The following LY96 variants were observed in gnomAD, a reference collection of about 807,000 sequenced individuals.
LY96 encodes the protein myeloid differentiation protein-2.
Under a neutral mutation model 18.9 loss-of-function variants are expected in LY96, and 18 were observed. The ratio of observed to expected loss-of-function variants is 0.95; its 90% CI spans 0.66 to 1.41. The LOEUF (loss-of-function observed/expected upper bound fraction) is 1.41, where lower values mean the gene tolerates loss of function less well. LY96 is among the 40% of genes most tolerant of loss of function. The probability of loss-of-function intolerance (pLI) is 0.00; values close to 1 mark genes in which losing one functional copy is unlikely to be tolerated. For synonymous variants in LY96, 66 were observed against 62.6 expected, an observed-to-expected ratio of 1.06 and a Z score of -0.26; for missense variants, 175 against 182.4, an observed-to-expected ratio of 0.96 and a Z score of 0.23.
At chr8:74,094,248 T>G in the LY96 span, among the ~76,000 whole-genome samples, 1 of 150,236 alleles carries the variant, frequency 6.7e-6, no homozygotes, top group South Asian at 2.2e-4. Context: ...AGGTAGTGGG[T>G]GTGTGTATGT....
intron 3 of LY96, among the ~76,000 whole-genome samples, chr8:74,014,836 CACACACACACAT>C (rs1295715865): frequency 6.6e-6 from 1 of 151,722 alleles, no homozygotes; most frequent in Non-Finnish European, 1.5e-5. Context: ...CACACACACA[CACACACACACAT>C]ATATCTGTTT....
At chr8:74,045,055 G>A in the LY96 span, among the ~76,000 whole-genome samples, 2 of 152,244 alleles carry the variant, frequency 1.3e-5, no homozygotes, top group Non-Finnish European at 2.9e-5. Context: ...CAGGTGGGCA[G>A]AGCACTGTCT....
chr8:74,041,803 C>G, the LY96 span, among the ~76,000 whole-genome samples: 1 of 152,228 alleles, frequency 6.6e-6, no homozygotes, highest in African/African-American at 2.4e-5. Flanking sequence ...AATACATACA[C>G]AGCTGAACAT....
the LY96 span, among the ~76,000 whole-genome samples, chr8:74,042,336 C>T: frequency 2.8e-4 from 42 of 152,266 alleles, no homozygotes; most frequent in Admixed American, 6.5e-4. Flanking sequence ...GCCTGGCCAA[C>T]ATGGTGAAAC....
At chr8:74,094,249 G>A in the LY96 span, among the ~76,000 whole-genome samples, 3 of 150,460 alleles carry the variant, frequency 2.0e-5, no homozygotes, top group Non-Finnish European at 4.4e-5. Context: ...GGTAGTGGGT[G>A]TGTGTATGTG....
chr8:74,041,179 A>G, the LY96 span, among the ~76,000 whole-genome samples: 44 of 152,160 alleles, frequency 2.9e-4, 1 homozygote, highest in Admixed American at 2.9e-3. Flanking sequence ...ATCTCTGAAC[A>G]TAAATTGTGA....
the LY96 span, among the ~76,000 whole-genome samples, chr8:74,069,512 A>T: frequency 0.081 from 12,298 of 152,262 alleles, 849 homozygotes; most frequent in African/African-American, 0.19. Flanking sequence ...CATCATTTGC[A>T]TGTTCAGTTC....
At chr8:74,088,184 C>T in the LY96 span, among the ~76,000 whole-genome samples, 4 of 144,594 alleles carry the variant, frequency 2.8e-5, no homozygotes, top group African/African-American at 7.8e-5. Flanking sequence ...TGCTTAACCA[C>T]ATCTTACTAT....
the LY96 span, among the ~76,000 whole-genome samples, chr8:74,039,330 G>C: frequency 6.6e-6 from 1 of 152,210 alleles, no homozygotes; most frequent in Non-Finnish European, 1.5e-5. Context: ...TCATTTTGTT[G>C]ATTGTTTCCT....
At chr8:74,033,706 A>T (rs990144926), downstream of LY96, among the ~76,000 whole-genome samples, 3 of 152,244 alleles carry the variant, frequency 2.0e-5, no homozygotes, top group African/African-American at 7.2e-5. Flanking sequence ...AGAGGAGTCA[A>T]GCAAATCTTT....
chr8:74,000,934 A>G (rs1220127028), intron 1 of LY96, among the ~76,000 whole-genome samples: 1 of 152,184 alleles, frequency 6.6e-6, no homozygotes, highest in Non-Finnish European at 1.5e-5. Flanking sequence ...ATCCACACCC[A>G]CAATAACTAA....
chr8:74,043,329 C>T, the LY96 span, among the ~76,000 whole-genome samples: 1 of 152,160 alleles, frequency 6.6e-6, no homozygotes, highest in Admixed American at 6.6e-5. Context: ...TTCTGAAGTC[C>T]TGTGTGTCAC....
At chr8:74,027,439 G>A (rs138887132) in intron 4 of LY96, among the ~76,000 whole-genome samples, 3,111 of 151,720 alleles carry the variant, frequency 0.021, 119 homozygotes, top group Admixed American at 0.078. Flanking sequence ...CGAGTAGCTG[G>A]GATTACAGGC....
the LY96 span, among the ~76,000 whole-genome samples, chr8:74,063,384 G>A: frequency 6.6e-6 from 1 of 152,122 alleles, no homozygotes; most frequent in Admixed American, 6.5e-5. Context: ...TTTTTGAAGG[G>A]AATATAGACA....
At chr8:74,026,721 T>A in intron 3 of LY96, 68 bp from the exon 4 acceptor site, 1 of 857,032 alleles carries the variant, frequency 1.2e-6, no homozygotes, top group South Asian at 1.4e-5. Context: ...GTATACTCCA[T>A]GCTACCAAGA....
intron 3 of LY96, among the ~76,000 whole-genome samples, chr8:74,026,421 G>A (rs928646543): frequency 3.3e-5 from 5 of 152,218 alleles, no homozygotes; most frequent in Non-Finnish European, 7.3e-5. Context: ...TTGCAAGATT[G>A]TTCTCTATTA....
At chr8:74,069,305 G>T in the LY96 span, among the ~76,000 whole-genome samples, 1 of 152,162 alleles carries the variant, frequency 6.6e-6, no homozygotes, top group Admixed American at 6.6e-5. Context: ...TCTTCTAGCA[G>T]TTTTATCCAT....
the LY96 span, among the ~76,000 whole-genome samples, chr8:74,094,255 A>ATGTG: frequency 1.3e-5 from 2 of 149,752 alleles, no homozygotes; most frequent in Middle Eastern, 3.4e-3. Flanking sequence ...GGGTGTGTGT[A>ATGTG]TGTGTGTGTG....
chr8:73,994,332 C>T (rs780891456), intron 1 of LY96, among the ~76,000 whole-genome samples: 24 of 152,150 alleles, frequency 1.6e-4, no homozygotes, highest in Non-Finnish European at 2.4e-4. Context: ...CTGAGAGAAT[C>T]CATCCTGCCC....
Sources: gnomAD v4.1 joint callset for allele counts (sites outside exome capture counted in the v4.1 genomes callset) on GRCh38, gnomAD v4.1.1 for gene constraint, MANE v1.5 for transcripts, NCBI Gene and HGNC (gene_info 2026-07-23, HGNC 2026-07-21) for gene names.